UGT1A4: variants seen among roughly 807,000 people sequenced by gnomAD.
UGT1A4 encodes the protein UDP glucuronosyltransferase family 1 member A4, also known as UDP-glucuronosyltransferase 1A4.
UGT1A4 carries 32 observed loss-of-function variants against 41.1 expected under a neutral mutation model. The ratio of observed to expected loss-of-function variants is 0.78; its 90% CI spans 0.59 to 1.05. The LOEUF (loss-of-function observed/expected upper bound fraction) is 1.05, where lower values mean the gene tolerates loss of function less well. Ranked by LOEUF, UGT1A4 falls within the 50% of genes least tolerant of loss-of-function variation. UGT1A4 has a pLI of 0.00. For synonymous variants in UGT1A4, 283 were observed against 265.1 expected, an observed-to-expected ratio of 1.07 and a Z score of -0.66; for missense variants, 748 against 677.4, an observed-to-expected ratio of 1.10 and a Z score of -1.16.
intron 1 of UGT1A4, chr2:233,743,865 C>T (rs988813505): frequency 2.0e-5 from 27 of 1,367,074 alleles, no homozygotes; most frequent in Non-Finnish European, 2.5e-5. Flanking sequence ...TTCTTGATGG[C>T]CTCGGATGAG....
chr2:233,742,956 T>C, intron 1 of UGT1A4: 1 of 217,074 alleles, frequency 4.6e-6, no homozygotes, highest in Non-Finnish European at 9.3e-6. Context: ...CAAATAATCA[T>C]TGTCTGCCTC....
chr2:233,744,582 C>T (rs1692857811), intron 1 of UGT1A4, among the ~76,000 whole-genome samples: 2 of 151,846 alleles, frequency 1.3e-5, no homozygotes, highest in African/African-American at 4.9e-5. Flanking sequence ...CATCGTTTTA[C>T]AGTTTTTGCA....
At chr2:233,757,535 A>AATATATATACATATACATATATACATAT (rs376887521) in intron 1 of UGT1A4, among the ~76,000 whole-genome samples, 1 of 88,312 alleles carries the variant, frequency 1.1e-5, no homozygotes, top group African/African-American at 5.0e-5. Context: ...GCCTGTAAGG[A>AATATATATACATATACATATATACATAT]ATATATATAT....
Position 233,772,833 on chromosome 2 carries a change from T to A in UGT1A4, c.*274T>A. The A allele has an allele frequency of 1.1e-6, 1 of 879,514 alleles. No homozygotes were observed. Among genetic ancestry groups the A allele is most frequent in the Non-Finnish European group, 1.6e-6 (1 of 630,664 alleles). The allele number at this position is 879,514 out of a possible 1,614,324, so 54.5% of individuals were successfully genotyped here. A position where few individuals can be genotyped will look rare whatever the true frequency, so the allele number is the denominator to read the frequency against. ...AGGACGTGCAGACAGGCTGGCATTC[T>A]AGATTACTTTTCTTACTCTGAAACA... On this transcript the variant is annotated 3_prime_UTR_variant, in exon 5 of 5. Coordinates refer to ENST00000373409, the MANE Select transcript of UGT1A4 (RefSeq NM_007120.3).
chr2:233,724,260 C>T (rs1481062069), intron 1 of UGT1A4, among the ~76,000 whole-genome samples: 12 of 129,940 alleles, frequency 9.2e-5, no homozygotes, highest in East Asian at 4.9e-4. Context: ...CCTCACCTCC[C>T]GGACGGGGCG....
chr2:233,744,298 C>CAA (rs1268189339), intron 1 of UGT1A4, among the ~76,000 whole-genome samples: 1 of 151,760 alleles, frequency 6.6e-6, no homozygotes, highest in Non-Finnish European at 1.5e-5. Flanking sequence ...TTTCCTCGGC[C>CAA]ACAGGAGGGA....
At chr2:233,752,601 A>T (rs969086099) in intron 1 of UGT1A4, 2 of 152,086 alleles carry the variant, frequency 1.3e-5, no homozygotes, top group Non-Finnish European at 2.9e-5. Flanking sequence ...GATTTTTTTT[A>T]AAAAAACATT....
intron 4 of UGT1A4, among the ~76,000 whole-genome samples, chr2:233,768,711 T>G (rs2126041058): frequency 6.6e-6 from 1 of 151,246 alleles, no homozygotes; most frequent in South Asian, 2.1e-4. Flanking sequence ...AGCCTCCGTG[T>G]AGCTGGGATT....
At chr2:233,745,085 C>G (rs1165304502) in intron 1 of UGT1A4, among the ~76,000 whole-genome samples, 3 of 151,730 alleles carry the variant, frequency 2.0e-5, no homozygotes, top group East Asian at 3.8e-4. Flanking sequence ...TTTCATTGCT[C>G]TTCCCCCCAA....
intron 1 of UGT1A4, chr2:233,760,440 G>A (rs1697447579): frequency 6.2e-7 from 1 of 1,614,228 alleles, no homozygotes; most frequent in Non-Finnish European, 8.5e-7. Flanking sequence ...AGCAGCTGCA[G>A]CAGAGGGGAC....
In UGT1A4 at chr2:233,768,446, A is replaced by C. The variant is rs752429515; in HGVS notation, c.1307+7A>C. 1 of 1,612,506 alleles carries C rather than the reference A, an allele frequency of 6.2e-7. No homozygotes were observed. Among genetic ancestry groups the C allele is most frequent in the Non-Finnish European group, 8.5e-7 (1 of 1,179,230 alleles). ...CAGTCATCAATGACAAAAGGTAAGAAAGAAGATACAGAAGAATACTTTGGT... is the reference window on the plus strand; with the variant it reads ...CAGTCATCAATGACAAAAGGTAAGACAGAAGATACAGAAGAATACTTTGGT... On this transcript the variant is annotated splice_region_variant and intron_variant, in intron 4 of 4. Coordinates refer to ENST00000373409, the MANE Select transcript of UGT1A4 (RefSeq NM_007120.3).
chr2:233,760,258 G>T (rs1164776908), intron 1 of UGT1A4: 1 of 1,611,202 alleles, frequency 6.2e-7, no homozygotes, highest in South Asian at 1.1e-5. Flanking sequence ...AAGTAGGAGA[G>T]GGCGAACCTC....
Position 233,772,327 on chromosome 2 carries a change from T to A in UGT1A4, c.1373T>A (p.Leu458Gln), listed in dbSNP as rs527798161. The A allele has an allele frequency of 6.2e-7, 1 of 1,614,262 alleles. No homozygotes were observed. The highest frequency in any genetic ancestry group is 1.3e-5 in the African/African-American group (1 of 75,072). The change falls in exon 5 of 5, where the codon CTG becomes CAG. Residue 458 changes from leucine to glutamine, a missense_variant. Leu to Gln is a moderately radical substitution (Grantham distance 113, BLOSUM62 -2). Transcript: ENST00000373409. ...HKDRPVEPLD[L>Q]AVFWVEFVMR... ...GACCGCCCGGTGGAGCCGCTGGACC[T>A]GGCCGTGTTCTGGGTGGAGTTTGTG...
chr2:233,754,791 C>T (rs1377566295), intron 1 of UGT1A4: 10 of 1,204,840 alleles, frequency 8.3e-6, no homozygotes, highest in Non-Finnish European at 1.0e-5. Context: ...GGAACGAAAT[C>T]CTGTATCAAA....
Position 233,768,364 on chromosome 2 carries a change from G to T in UGT1A4, c.1232G>T (p.Gly411Val). 1 of 1,614,172 alleles carries T rather than the reference G, an allele frequency of 6.2e-7. No homozygotes were observed. Among genetic ancestry groups the T allele is most frequent in the Non-Finnish European group, 8.5e-7 (1 of 1,180,034 alleles). ...NAKRMETKGA[G>V]VTLNVLEMTS... ...AAGCGCATGGAGACTAAGGGAGCTG[G>T]AGTGACCCTGAATGTTCTGGAAATG... Residue 411 changes from glycine to valine, a missense_variant, in exon 4 of 5, where the codon GGA (glycine) becomes GTA (valine). Coordinates refer to ENST00000373409, the MANE Select transcript of UGT1A4 (RefSeq NM_007120.3).
intron 1 of UGT1A4, among the ~76,000 whole-genome samples, chr2:233,748,384 T>C (rs546137113): frequency 6.6e-6 from 1 of 151,886 alleles, no homozygotes; most frequent in South Asian, 2.1e-4. Context: ...ATGTCCTTCA[T>C]TGGGAAGGAG....
rs1377408060 is a variant in UGT1A4, at chr2:233,769,430, CTCA to C, written c.1307+993_1307+995del. Reference sequence around the variant, plus strand: ...GTGTGCGTTTGTGCATGTGGCTGTGCTCATGTGTGGGTGCACACGTGTGCATTC... The same window carrying C: ...GTGTGCGTTTGTGCATGTGGCTGTGCTGTGTGGGTGCACACGTGTGCATTC... On this transcript the variant is annotated intron_variant, in intron 4 of 4. Transcript: ENST00000373409. This position sits in a 1 kb window ranked among gnomAD's most constrained non-coding sequence, Gnocchi z 4.4. 42 of 1,537,292 alleles carry C rather than the reference CTCA, an allele frequency of 2.7e-5. No homozygotes were observed. The highest frequency in any genetic ancestry group is 3.7e-5 in the Non-Finnish European group (41 of 1,118,590).
Position 233,767,098 on chromosome 2 carries a change from T to C in UGT1A4, c.932T>C (p.Met311Thr). 1.2e-6 allele frequency: 2 copies of C among 1,614,160 alleles called. No homozygotes were observed. Among genetic ancestry groups the C allele is most frequent in the Non-Finnish European group, 8.5e-7 (1 of 1,180,018 alleles). The change falls in exon 2 of 5, where the codon ATG (methionine) becomes ACG (threonine). Residue 311 changes from methionine to threonine, a missense_variant. Transcript: ENST00000373409. Reference protein sequence around the residue: ...HGIVVFSLGSMVSEIPEKKAM... With the variant: ...HGIVVFSLGSTVSEIPEKKAM... ...ATTGTGGTTTTCTCTTTGGGATCAA[T>C]GGTCTCAGAAATTCCAGAGAAGAAA... is the stretch of plus-strand genomic sequence containing the variant.
intron 1 of UGT1A4, among the ~76,000 whole-genome samples, chr2:233,724,293 C>T (rs1226718888): frequency 6.7e-5 from 9 of 135,040 alleles, no homozygotes; most frequent in East Asian, 2.4e-4. Context: ...GGGGGCTGAC[C>T]CCCCCACCTC....
Sources: gnomAD v4.1 joint callset for allele counts (sites outside exome capture counted in the v4.1 genomes callset) on GRCh38, gnomAD v4.1.1 for gene constraint, Gnocchi (gnomAD v3.1) non-coding constraint, MANE v1.5 for transcripts, NCBI Gene and HGNC (gene_info 2026-07-23, HGNC 2026-07-21) for gene names.